The following PCDH9 variants were observed in gnomAD, a reference collection of about 807,000 sequenced individuals.
PCDH9 encodes the protein protocadherin 9.
In PCDH9, 24 loss-of-function variants were observed where a neutral mutation model predicts 70.6. That is an observed-to-expected ratio of 0.34 (90% confidence interval 0.25 to 0.48). PCDH9 has a LOEUF of 0.48. PCDH9 is among the 20% of genes least tolerant of loss of function. The pLI, the probability that PCDH9 is intolerant of heterozygous loss-of-function variation, is 0.99. For missense variants in PCDH9, 1,281 were observed against 1,503.6 expected, an observed-to-expected ratio of 0.85 and a Z score of 2.45; for synonymous variants, 562 against 558.5, an observed-to-expected ratio of 1.01 and a Z score of -0.09.
At chr13:66,982,218 C>T (rs1214083938) in intron 2 of PCDH9, among the ~76,000 whole-genome samples, 1 of 152,212 alleles carries the variant, frequency 6.6e-6, no homozygotes, top group Non-Finnish European at 1.5e-5. Flanking sequence ...TCCCTAGAAA[C>T]CGAGCGATGT....
At chr13:66,802,174 A>G (rs1421739781) in intron 3 of PCDH9, among the ~76,000 whole-genome samples, 2 of 151,956 alleles carry the variant, frequency 1.3e-5, no homozygotes, top group Non-Finnish European at 2.9e-5. Context: ...GCCCTTAAAA[A>G]ATAATTCTAG....
At chr13:66,488,505 T>A (rs1030168201) in intron 4 of PCDH9, among the ~76,000 whole-genome samples, 1 of 152,092 alleles carries the variant, frequency 6.6e-6, no homozygotes, top group African/African-American at 2.4e-5. Flanking sequence ...AGATGAGAGA[T>A]TTTTATGAGT....
intron 3 of PCDH9, among the ~76,000 whole-genome samples, chr13:66,757,306 T>C (rs2079552276): frequency 6.6e-6 from 1 of 152,222 alleles, no homozygotes; most frequent in African/African-American, 2.4e-5. Context: ...AATAGCTCAT[T>C]TGGACCATTA....
In PCDH9 at chr13:67,051,479, G is replaced by T. The variant is rs199556063; in HGVS notation, c.3037-147874C>A. ...GTGATCTCGGCTCACTGCAACCTCCGCCTCCCGGGTTCAAGTGATTCTCCT... is the reference window on the plus strand; with the variant it reads ...GTGATCTCGGCTCACTGCAACCTCCTCCTCCCGGGTTCAAGTGATTCTCCT... On this transcript the variant is annotated intron_variant, in intron 2 of 4. Transcript: ENST00000377865. Among the ~76,000 whole-genome samples the T allele has an allele frequency of 2.4e-5, 3 of 125,756 alleles. No homozygotes were observed. In the Admixed American group the frequency reaches 3.0e-4, roughly 13 times the overall value. 82.5% of individuals were successfully genotyped at this position (125,756 alleles called of 152,430 possible).
chr13:66,834,082 A>G (rs906835084), intron 3 of PCDH9, among the ~76,000 whole-genome samples: 2 of 152,090 alleles, frequency 1.3e-5, no homozygotes, highest in Non-Finnish European at 2.9e-5. Flanking sequence ...TAATCTTTAT[A>G]CATTGATGTC....
At chr13:66,401,501 TA>T (rs912295161) in intron 4 of PCDH9, among the ~76,000 whole-genome samples, 1 of 152,116 alleles carries the variant, frequency 6.6e-6, no homozygotes, top group African/African-American at 2.4e-5. Flanking sequence ...CTTTCCTTTA[TA>T]AATTACCCAA....
intron 2 of PCDH9, among the ~76,000 whole-genome samples, chr13:67,056,153 G>A (rs141100198): frequency 1.5e-3 from 235 of 152,230 alleles, no homozygotes; most frequent in Non-Finnish European, 2.7e-3. Flanking sequence ...TTCTCATAAG[G>A]TGGTTAATGT....
chr13:66,310,698 T>C (rs960712991), intron 4 of PCDH9, among the ~76,000 whole-genome samples: 1 of 152,044 alleles, frequency 6.6e-6, no homozygotes, highest in African/African-American at 2.4e-5. Context: ...TCTTAGAATT[T>C]TTACTGTTAG....
intron 4 of PCDH9, among the ~76,000 whole-genome samples, chr13:66,533,101 G>C (rs1232066147): frequency 6.6e-6 from 1 of 152,106 alleles, no homozygotes; most frequent in Non-Finnish European, 1.5e-5. Flanking sequence ...GGGATTCAGG[G>C]CTTCTGGGCT....
chr13:66,709,012 G>C (rs1181002504), intron 3 of PCDH9, among the ~76,000 whole-genome samples: 1 of 152,188 alleles, frequency 6.6e-6, no homozygotes, highest in African/African-American at 2.4e-5. Flanking sequence ...TCAGGGACAA[G>C]ATCAGAATTG....
chr13:66,972,592 C>T (rs2083544606), intron 2 of PCDH9, among the ~76,000 whole-genome samples: 1 of 151,952 alleles, frequency 6.6e-6, no homozygotes, highest in Admixed American at 6.6e-5. Context: ...ATTCATATTT[C>T]TCAAACCACT....
rs771906985 is a variant in PCDH9 at position 66,304,840 on chromosome 13, G to A, written c.3529C>T (p.His1177Tyr). ...TCTTTCCAGGCTCTGGTCAGGGTGT[G>A]CCCATTCACAAGCTTGTCCTTCTTC... ...WVKKDKLVNG[H>Y]TLTRAWKEDS... The change falls in exon 5 of 5, where the codon CAC (histidine) becomes TAC (tyrosine). Residue 1177 changes from histidine (H) to tyrosine (Y), a missense_variant. Coordinates refer to ENST00000377865, the MANE Select transcript of PCDH9 (RefSeq NM_203487.3). 4 of 1,613,492 alleles carry A rather than the reference G, an allele frequency of 2.5e-6. No homozygotes were observed. Among genetic ancestry groups the A allele is most frequent in the Non-Finnish European group, 3.4e-6 (4 of 1,179,684 alleles).
rs781778618 is a variant in PCDH9, at chr13:66,304,707, G to C, written c.3662C>G (p.Ser1221Cys). ...AGTAGCACCTCCTGCTTGCTTATAA[G>C]ACTTCAGATTTGCCAGAGGAATGTC... Reference protein sequence around the residue: ...MTDIPLANLKSYKQAGGATES... With the variant: ...MTDIPLANLKCYKQAGGATES... The change falls in exon 5 of 5, where the codon TCT becomes TGT. Residue 1221 changes from serine (S) to cysteine (C), a missense_variant. Transcript: ENST00000377865. The C allele has an allele frequency of 2.9e-5, 46 of 1,613,282 alleles. 1 individual carries two copies. The South Asian group carries it at 5.1e-4, about 18-fold the overall frequency.
intron 2 of PCDH9, among the ~76,000 whole-genome samples, chr13:66,906,728 T>C (rs1184909502): frequency 6.6e-6 from 1 of 152,102 alleles, no homozygotes; most frequent in African/African-American, 2.4e-5. Context: ...CAAATTAATA[T>C]ATAACTCAGA....
chr13:66,857,329 C>G (rs2081410616), intron 3 of PCDH9, among the ~76,000 whole-genome samples: 1 of 152,056 alleles, frequency 6.6e-6, no homozygotes, highest in Non-Finnish European at 1.5e-5. Context: ...AAGCATTATT[C>G]CATTGGTACA....
At chr13:67,184,606 CTGTTGTCCCGGCTACTTGGGGGGCTG>C (rs2088701548) in intron 2 of PCDH9, among the ~76,000 whole-genome samples, 1 of 152,128 alleles carries the variant, frequency 6.6e-6, no homozygotes. Flanking sequence ...AGGCACACAA[CTGTTGTCCCGGCTACTTGGGGGGCTG>C]AGGCAGGAGG....
At chr13:66,541,715 AT>A (rs1449342454) in intron 4 of PCDH9, among the ~76,000 whole-genome samples, 1 of 152,172 alleles carries the variant, frequency 6.6e-6, no homozygotes, top group East Asian at 1.9e-4. Flanking sequence ...ACTTCTGCAA[AT>A]ATCCTGTTTC....
chr13:66,525,442 A>G (rs1254237954), intron 4 of PCDH9, among the ~76,000 whole-genome samples: 2 of 152,090 alleles, frequency 1.3e-5, no homozygotes, highest in African/African-American at 2.4e-5. Flanking sequence ...ACTATCAATT[A>G]TACCTCCTTT....
chr13:66,565,627 A>G (rs369361024), intron 4 of PCDH9, among the ~76,000 whole-genome samples: 2 of 152,270 alleles, frequency 1.3e-5, no homozygotes, highest in Admixed American at 1.3e-4. Context: ...ATCATTCAGC[A>G]TTTTCATACT....
Sources: gnomAD v4.1 joint callset for allele counts (sites outside exome capture counted in the v4.1 genomes callset) on GRCh38, gnomAD v4.1.1 for gene constraint, MANE v1.5 for transcripts, NCBI Gene and HGNC (gene_info 2026-07-23, HGNC 2026-07-21) for gene names.